Variants in LARGE1 observed in about 807,000 individuals in gnomAD.
LARGE1 encodes LARGE xylosyl- and glucuronyltransferase 1.
LARGE1 carries 43 observed loss-of-function variants against 87.6 expected under a neutral mutation model. The observed-to-expected ratio is 0.49, with a 90% CI of 0.38 to 0.63. The LOEUF (loss-of-function observed/expected upper bound fraction) is 0.63, where lower values mean the gene tolerates loss of function less well. Among genes scored for constraint, LARGE1 ranks in the 30% least tolerant of loss-of-function variants. The pLI is 0.00. For synonymous variants in LARGE1, 434 were observed against 394.6 expected (o/e 1.10, Z -1.18); for missense variants, 802 against 1,000.2 (o/e 0.80, Z 2.67).
intron 2 of LARGE1, chr22:33,746,480 G>A (rs2084088511): frequency 6.6e-6 from 1 of 152,198 alleles, no homozygotes; most frequent in African/African-American, 2.4e-5. Context: ...TATCTGGAGT[G>A]TGTGAAATCC....
chr22:33,579,667 G>A (rs1348661501), intron 5 of LARGE1, among the ~76,000 whole-genome samples: 1 of 152,134 alleles, frequency 6.6e-6, no homozygotes, highest in African/African-American at 2.4e-5. Context: ...TCTAGTGGTA[G>A]GGCCTGGCAT....
chr22:33,737,137 C>T lies in LARGE1; in HGVS notation c.106+24234G>A, dbSNP rs528174411. On this transcript the variant is annotated intron_variant, in intron 2 of 14. Coordinates refer to ENST00000397394, the MANE Select transcript of LARGE1 (RefSeq NM_133642.5). ...TGTGCAGCAGCCTGAAATGACCCTGCGTCATTTGCTTCTTATTTGTCCCAT... is the reference window on the plus strand; with the variant it reads ...TGTGCAGCAGCCTGAAATGACCCTGTGTCATTTGCTTCTTATTTGTCCCAT... Among the ~76,000 whole-genome samples, 22 of 152,320 alleles carry T rather than the reference C, an allele frequency of 1.4e-4. No individual in the cohort carries two copies. The East Asian group carries it at 3.1e-3, about 21-fold the overall frequency.
intron 6 of LARGE1, among the ~76,000 whole-genome samples, chr22:33,437,889 G>A (rs112320098): frequency 5.9e-5 from 9 of 152,168 alleles, no homozygotes; most frequent in African/African-American, 2.2e-4. Flanking sequence ...GGAATAATAA[G>A]TAGGGAGTAA....
rs3072359 is a variant in LARGE1, at chr22:33,865,832, C to CTTTTTTTTTTTTTTTTTTTTTTTTTTT, written c.-83+54136_-83+54162dup. The stretch of plus-strand genomic sequence containing the variant: ...TAAGCATTCAATGTTAGCTGTTATT[C>CTTTTTTTTTTTTTTTTTTTTTTTTTTT]TTTTTTTTTTTTTTTTTTTTTTTTT... On this transcript the variant is annotated intron_variant, in intron 1 of 14. Transcript: ENST00000397394. 1.4e-4 allele frequency among the ~76,000 whole-genome samples: 4 copies of CTTTTTTTTTTTTTTTTTTTTTTTTTTT among 28,394 alleles called. 2 individuals are homozygous for CTTTTTTTTTTTTTTTTTTTTTTTTTTT. The highest frequency in any genetic ancestry group is 4.3e-4 in the African/African-American group (4 of 9,350). The allele number at this position is 28,394 out of a possible 152,430, so 18.6% of individuals were successfully genotyped here.
At chr22:33,480,894 A>G (rs1322954509) in intron 6 of LARGE1, among the ~76,000 whole-genome samples, 20 of 151,972 alleles carry the variant, frequency 1.3e-4, no homozygotes, top group Admixed American at 1.1e-3. Context: ...TCATGTCGAC[A>G]CTCCACATTT....
the LARGE1 span, among the ~76,000 whole-genome samples, chr22:33,079,202 A>ATGATATCTAG: frequency 1.4e-5 from 2 of 148,040 alleles, no homozygotes; most frequent in African/African-American, 5.0e-5. Flanking sequence ...ATAAGTCTCC[A>ATGATATCTAG]TGATATCTAG....
chr22:33,309,684 T>G (rs895457574), intron 11 of LARGE1, among the ~76,000 whole-genome samples: 1 of 152,184 alleles, frequency 6.6e-6, no homozygotes, highest in Admixed American at 6.5e-5. Context: ...CAGCAGATAA[T>G]GAGAAGGATC....
chr22:33,275,864 T>C (rs552321319), intron 14 of LARGE1, among the ~76,000 whole-genome samples: 5 of 152,374 alleles, frequency 3.3e-5, no homozygotes, highest in South Asian at 2.1e-4. Context: ...ACATTCCTTT[T>C]AAGCAGAAGC....
At chr22:33,079,939 C>T in the LARGE1 span, among the ~76,000 whole-genome samples, 1 of 152,196 alleles carries the variant, frequency 6.6e-6, no homozygotes, top group Non-Finnish European at 1.5e-5. Context: ...AGAGAGCTAT[C>T]AGGGGGACTG....
At chr22:33,640,651 C>T (rs1359329491) in intron 3 of LARGE1, among the ~76,000 whole-genome samples, 2 of 152,152 alleles carry the variant, frequency 1.3e-5, no homozygotes, top group Admixed American at 6.5e-5. Context: ...GCTGGTCCCA[C>T]TCCCACAGAG....
At chr22:33,443,949 C>T (rs2067590890) in intron 6 of LARGE1, among the ~76,000 whole-genome samples, 2 of 152,242 alleles carry the variant, frequency 1.3e-5, no homozygotes, top group African/African-American at 4.8e-5. Context: ...CAACCTCCAT[C>T]CATGGAAATT....
intron 2 of LARGE1, among the ~76,000 whole-genome samples, chr22:33,666,330 A>G (rs1195776774): frequency 6.6e-6 from 1 of 152,208 alleles, no homozygotes; most frequent in Non-Finnish European, 1.5e-5. Context: ...TGCAGAAGAA[A>G]GGAAAGAAGA....
intron 11 of LARGE1, among the ~76,000 whole-genome samples, chr22:33,266,813 C>T (rs1330349174): frequency 2.0e-5 from 3 of 151,330 alleles, no homozygotes; most frequent in Admixed American, 6.6e-5. Flanking sequence ...TTATACCTCA[C>T]ATTCATTTCA....
intron 1 of LARGE1, among the ~76,000 whole-genome samples, chr22:33,814,950 A>G (rs1174171458): frequency 1.3e-5 from 2 of 152,224 alleles, no homozygotes; most frequent in South Asian, 2.1e-4. Flanking sequence ...ACACACAGAC[A>G]TTAAACGACA....
chr22:33,698,855 C>A (rs1219323816), intron 2 of LARGE1, among the ~76,000 whole-genome samples: 4 of 152,186 alleles, frequency 2.6e-5, no homozygotes, highest in Non-Finnish European at 5.9e-5. Context: ...AGTGTCTGTT[C>A]AAAAAGCTTT....
At chr22:33,588,012 T>C (rs1349099826) in intron 5 of LARGE1, among the ~76,000 whole-genome samples, 1 of 152,210 alleles carries the variant, frequency 6.6e-6, no homozygotes, top group Non-Finnish European at 1.5e-5. Context: ...ACTTAAGTTA[T>C]CGGCCTTCTC....
chr22:33,761,571 G>A lies in LARGE1; in HGVS notation c.-82-13C>T. On this transcript the variant is annotated splice_polypyrimidine_tract_variant and intron_variant, in intron 1 of 14. Coordinates refer to ENST00000397394, the MANE Select transcript of LARGE1 (RefSeq NM_133642.5). ...CTCATAATACTCTCTGAAAGGAAGA[G>A]CAAAGAGGAAGGCCTGAGTTCTTAG... 1.0e-6 allele frequency: 1 copy of A among 970,058 alleles called. No homozygotes were observed. The highest frequency in any genetic ancestry group is 1.7e-6 in the Non-Finnish European group (1 of 605,356). The allele number at this position is 970,058 out of a possible 1,614,324, so 60.1% of individuals were successfully genotyped here. A position where few individuals can be genotyped will look rare whatever the true frequency, so the allele number is the denominator to read the frequency against.
intron 1 of LARGE1, among the ~76,000 whole-genome samples, chr22:33,830,243 A>C (rs2062927066): frequency 6.6e-6 from 1 of 152,134 alleles, no homozygotes; most frequent in East Asian, 1.9e-4. Flanking sequence ...TGTCCAGCTA[A>C]ATCAAATTCC....
At chr22:33,295,613 T>C (rs1260183200) in intron 12 of LARGE1, among the ~76,000 whole-genome samples, 1 of 152,220 alleles carries the variant, frequency 6.6e-6, no homozygotes, top group Non-Finnish European at 1.5e-5. Context: ...AGCACAGCCC[T>C]GTCCTCCTCT....
Sources: allele counts gnomAD v4.1 joint callset (sites outside exome capture counted in the v4.1 genomes callset), GRCh38; gene constraint gnomAD v4.1.1; transcripts MANE v1.5; gene names NCBI Gene and HGNC (gene_info 2026-07-23, HGNC 2026-07-21).